Variants in GCA observed in about 807,000 individuals in gnomAD.
GCA encodes the protein grancalcin.
Under a neutral mutation model 32.6 loss-of-function variants are expected in GCA, and 30 were observed. The ratio of observed to expected loss-of-function variants is 0.92; its 90% CI spans 0.69 to 1.25. The LOEUF (loss-of-function observed/expected upper bound fraction) is 1.25, where lower values mean the gene tolerates loss of function less well. Ranked by LOEUF, GCA falls within the 50% of genes most tolerant of loss-of-function variation. The pLI is 0.00. For synonymous variants in GCA, 102 were observed against 84.6 expected (o/e 1.21, Z -1.13); for missense variants, 291 against 266.8 (o/e 1.09, Z -0.63).
chr2:162,373,560 T>G (rs1195946479), downstream of GCA: 2 of 1,596,570 alleles, frequency 1.3e-6, no homozygotes, highest in Non-Finnish European at 1.7e-6. Context: ...TCTGATATTC[T>G]GATCCTGCTG....
Position 162,347,640 on chromosome 2 carries a change from C to T in GCA, c.90C>T (p.Gly30=). The change falls in exon 2 of 8, where the codon GGC becomes GGT. Residue 30 remains glycine, a synonymous_variant. Transcript: ENST00000437150. ...MQMGQPVPET[G]PAILLDGYSG... The stretch of plus-strand genomic sequence containing the variant: ...TGGGACAGCCAGTGCCAGAAACAGG[C>T]CCAGCTATACTCCTCGATGGATACT... The T allele has an allele frequency of 6.2e-7, 1 of 1,609,992 alleles. No individual in the cohort carries two copies. Among genetic ancestry groups the T allele is most frequent in the South Asian group, 1.1e-5 (1 of 90,648 alleles).
At chr2:162,331,087 A>G (rs1215843881) in intron 1 of GCA, among the ~76,000 whole-genome samples, 1 of 152,226 alleles carries the variant, frequency 6.6e-6, no homozygotes, top group African/African-American at 2.4e-5. Flanking sequence ...ACCGCACTTC[A>G]GCACTGTGCT....
chr2:162,352,462 C>A, intron 3 of GCA, 55 bp downstream of exon 3: 3 of 1,049,158 alleles, frequency 2.9e-6, no homozygotes, highest in Non-Finnish European at 2.9e-6. Flanking sequence ...TATTTTCTTA[C>A]TTTTTTTGTC....
At chr2:162,360,154 T>A in intron 7 of GCA, 63 bp from the exon 8 acceptor site, 1 of 985,450 alleles carries the variant, frequency 1.0e-6, no homozygotes, top group South Asian at 1.5e-5. Flanking sequence ...TGGAATATAA[T>A]TAGTCAAAAA....
downstream of GCA, among the ~76,000 whole-genome samples, chr2:162,365,342 T>C (rs1243110031): frequency 6.6e-6 from 1 of 151,590 alleles, no homozygotes; most frequent in Non-Finnish European, 1.5e-5. Flanking sequence ...TTTTTCTTAT[T>C]TACAGTTATC....
At chr2:162,333,419 T>C (rs1684164249) in intron 1 of GCA, among the ~76,000 whole-genome samples, 1 of 152,132 alleles carries the variant, frequency 6.6e-6, no homozygotes, top group South Asian at 2.1e-4. Context: ...AAATAGGCTG[T>C]GTGTTTCATT....
chr2:162,330,322 C>A (rs753561420), intron 1 of GCA, among the ~76,000 whole-genome samples: 1 of 152,166 alleles, frequency 6.6e-6, no homozygotes, highest in Non-Finnish European at 1.5e-5. Flanking sequence ...TTCTCCGTAA[C>A]CTTGCCAGCA....
intron 7 of GCA, 26 bp downstream of exon 7, chr2:162,359,578 T>A (rs1334827991): frequency 1.6e-6 from 2 of 1,262,638 alleles, no homozygotes; most frequent in African/African-American, 3.0e-5. Context: ...TTGATATTTA[T>A]ACTGCATTCT....
Position 162,361,246 on chromosome 2 carries a change from A to G in GCA, c.*1003A>G, listed in dbSNP as rs1685559379. On this transcript the variant is annotated 3_prime_UTR_variant, in exon 8 of 8. Transcript: ENST00000437150. ...ATGTGGTGTTTTGAGCATAGTAGGC[A>G]CCACAGCAACTTTTCTGCGTGGTAC... 2 of 984,714 alleles carry G rather than the reference A, an allele frequency of 2.0e-6. No homozygotes were observed. The highest frequency in any genetic ancestry group is 1.7e-5 in the African/African-American group (1 of 57,288). The allele number at this position is 984,714 out of a possible 1,614,324, so 61.0% of individuals were successfully genotyped here. A position where few individuals can be genotyped will look rare whatever the true frequency, so the allele number is the denominator to read the frequency against.
chr2:162,336,952 C>T (rs1684289225), intron 1 of GCA, among the ~76,000 whole-genome samples: 1 of 152,106 alleles, frequency 6.6e-6, no homozygotes, highest in African/African-American at 2.4e-5. Context: ...TTTTGGTTTA[C>T]CTTACAGAAC....
At chr2:162,370,481 A>G (rs1184191741) in intron 4 of GCA, among the ~76,000 whole-genome samples, 2 of 152,152 alleles carry the variant, frequency 1.3e-5, no homozygotes, top group Non-Finnish European at 2.9e-5. Flanking sequence ...ACAGTTGAAG[A>G]TATTTTAATT....
At chr2:162,342,024 G>C (rs1319884997), upstream of GCA, among the ~76,000 whole-genome samples, 1 of 151,970 alleles carries the variant, frequency 6.6e-6, no homozygotes, top group Non-Finnish European at 1.5e-5. Context: ...TATTTAAAAA[G>C]CAAATTTTTT....
intron 7 of GCA, 78 bp from the exon 8 acceptor site, chr2:162,360,139 T>C (rs1041147616): frequency 9.2e-6 from 8 of 866,372 alleles, no homozygotes; most frequent in Middle Eastern, 6.6e-4. Flanking sequence ...AAGAAAATGC[T>C]CTTATGGAAT....
intron 5 of GCA, among the ~76,000 whole-genome samples, chr2:162,357,275 T>G (rs914643200): frequency 2.0e-5 from 3 of 151,882 alleles, no homozygotes; most frequent in Admixed American, 6.6e-5. Context: ...AGGTTTTCAG[T>G]GGTAGAAACC....
intron 1 of GCA, among the ~76,000 whole-genome samples, chr2:162,336,880 T>C (rs1262706074): frequency 2.0e-5 from 3 of 152,156 alleles, no homozygotes; most frequent in Non-Finnish European, 4.4e-5. Flanking sequence ...TTTAATTAAA[T>C]ACAGATTAAT....
chr2:162,326,935 TAGGTAAAAATG>T (rs1052567680), intron 1 of GCA, among the ~76,000 whole-genome samples: 6 of 152,264 alleles, frequency 3.9e-5, no homozygotes, highest in African/African-American at 1.4e-4. Flanking sequence ...GTGCCAGCCA[TAGGTAAAAATG>T]AGGTATGTAC....
chr2:162,345,884 A>T (rs961621345), intron 1 of GCA, among the ~76,000 whole-genome samples: 1 of 152,140 alleles, frequency 6.6e-6, no homozygotes, highest in Non-Finnish European at 1.5e-5. Context: ...ATGCCTTATT[A>T]ATGTTTCTTA....
downstream of GCA, among the ~76,000 whole-genome samples, chr2:162,364,220 A>C (rs796411502): frequency 6.6e-6 from 1 of 151,660 alleles, no homozygotes. Context: ...TTATTGAATC[A>C]AATTTCATTT....
At chr2:162,321,420 T>A (rs1490734069) in intron 1 of GCA, among the ~76,000 whole-genome samples, 1 of 152,170 alleles carries the variant, frequency 6.6e-6, no homozygotes, top group African/African-American at 2.4e-5. Flanking sequence ...TTAACGACCA[T>A]GCATAGCAAT....
Sources: gnomAD v4.1 joint callset for allele counts (sites outside exome capture counted in the v4.1 genomes callset) on GRCh38, gnomAD v4.1.1 for gene constraint, MANE v1.5 for transcripts, NCBI Gene and HGNC (gene_info 2026-07-23, HGNC 2026-07-21) for gene names.